Variants in LIMK2 observed in about 807,000 individuals in gnomAD.
LIMK2 encodes the protein LIM domain kinase 2.
LIMK2 carries 35 observed loss-of-function variants against 75.7 expected under a neutral mutation model. The observed-to-expected ratio is 0.46, with a 90% CI of 0.35 to 0.61. The LOEUF is 0.61. LIMK2 is among the 20% of genes least tolerant of loss of function. The pLI is 0.00. For synonymous variants in LIMK2, 301 were observed against 319.2 expected (o/e 0.94, Z 0.61); for missense variants, 623 against 831.0 (o/e 0.75, Z 3.08).
chr22:31,277,752 C>G, intron 15 of LIMK2: 3 of 157,864 alleles, frequency 1.9e-5, no homozygotes, highest in Non-Finnish European at 4.1e-5. Flanking sequence ...TCTACTGTAT[C>G]ATACAGTAGA....
At chr22:31,240,747 G>A (rs2048617615) in intron 2 of LIMK2, among the ~76,000 whole-genome samples, 1 of 152,066 alleles carries the variant, frequency 6.6e-6, no homozygotes, top group Non-Finnish European at 1.5e-5. Flanking sequence ...ATACCATAAC[G>A]TGAGCACCAC....
intron 1 of LIMK2, among the ~76,000 whole-genome samples, chr22:31,214,838 C>T (rs1376094661): frequency 6.6e-6 from 1 of 152,078 alleles, no homozygotes; most frequent in Non-Finnish European, 1.5e-5. Flanking sequence ...CTCTGTTGCC[C>T]ATGCTGGAGT....
intron 2 of LIMK2, chr22:31,248,596 A>AGCCT (rs752515462): frequency 1.9e-6 from 3 of 1,608,284 alleles, no homozygotes; most frequent in Non-Finnish European, 2.5e-6. Flanking sequence ...AGCTCAGGGC[A>AGCCT]GCCTGCCTGC....
chr22:31,229,983 C>T (rs184846265), intron 2 of LIMK2: 1 of 152,164 alleles, frequency 6.6e-6, no homozygotes, highest in East Asian at 1.9e-4. Flanking sequence ...GCTGACTAGT[C>T]CTCCCAAGCC....
chr22:31,265,537 C>CA (rs777523692), intron 7 of LIMK2, among the ~76,000 whole-genome samples: 6,757 of 137,442 alleles, frequency 0.049, 547 homozygotes, highest in East Asian at 0.38. Flanking sequence ...GACTCTGTCT[C>CA]AAAAAAAAAA....
intron 2 of LIMK2, among the ~76,000 whole-genome samples, chr22:31,228,001 G>T (rs1191714016): frequency 6.6e-6 from 1 of 150,600 alleles, no homozygotes; most frequent in Non-Finnish European, 1.5e-5. Flanking sequence ...TCAGATGCTA[G>T]CTTGTTAGCT....
intron 2 of LIMK2, among the ~76,000 whole-genome samples, chr22:31,243,465 A>G (rs2048640820): frequency 6.6e-6 from 1 of 152,130 alleles, no homozygotes; most frequent in Non-Finnish European, 1.5e-5. Context: ...TTCCGACAAA[A>G]GGTTGGGGTG....
In LIMK2 at chr22:31,262,688, G is replaced by T. The variant is rs1238326749; in HGVS notation, c.751G>T (p.Ala251Ser). ...ACGCCTGGACCAGCTGCGGCTGGAG[G>T]CCCGGCTCGCTCCTCACATGCAGAA... ...SQRLDQLRLEARLAPHMQNAG... is the reference protein window; with the variant it reads ...SQRLDQLRLESRLAPHMQNAG... The change falls in exon 7 of 16, where the codon GCC (alanine) becomes TCC (serine). Residue 251 changes from alanine (A) to serine (S), a missense_variant. By Grantham distance (99) the Ala-to-Ser change is moderately conservative (BLOSUM62 1). This residue lies in a region of LIMK2 where 514 missense variants were observed against 661.3 expected (regional missense o/e 0.78). Transcript: ENST00000331728. This position sits in a 1 kb window ranked among gnomAD's most constrained non-coding sequence, Gnocchi z 5.0. The T allele has an allele frequency of 5.6e-6, 9 of 1,614,074 alleles. No homozygotes were observed. Among genetic ancestry groups the T allele is most frequent in the Admixed American group, 1.7e-5 (1 of 60,000 alleles).
At chr22:31,233,939 G>A (rs2048549694) in intron 2 of LIMK2, among the ~76,000 whole-genome samples, 1 of 152,080 alleles carries the variant, frequency 6.6e-6, no homozygotes, top group Non-Finnish European at 1.5e-5. Context: ...GTCTGCAATA[G>A]CCTCATCTCC....
intron 15 of LIMK2, chr22:31,276,649 A>AAGGAGGGGCCCC: frequency 9.9e-7 from 1 of 1,009,674 alleles, no homozygotes; most frequent in East Asian, 8.7e-5. Context: ...GCGGCGGCAC[A>AAGGAGGGGCCCC]AGGAGGGGCC....
intron 2 of LIMK2, among the ~76,000 whole-genome samples, chr22:31,254,964 A>AG (rs1297840166): frequency 2.0e-5 from 3 of 152,006 alleles, no homozygotes; most frequent in African/African-American, 7.3e-5. Flanking sequence ...CATCTCAAAA[A>AG]AAAAAAGAAA....
Position 31,271,283 on chromosome 22 carries a change from C to T in LIMK2, c.1383+82C>T, listed in dbSNP as rs1014794553. The T allele has an allele frequency of 8.8e-6, 11 of 1,254,510 alleles. No individual in the cohort carries two copies. The Admixed American group carries it at 1.5e-4, about 17-fold the overall frequency. The allele number at this position is 1,254,510 out of a possible 1,614,324, so 77.7% of individuals were successfully genotyped here. ...GTCACAAAGGAGGCTGACTTGTCCC[C>T]TCTGGCTAGAGGGCAGAGGTGTTGC... On this transcript the variant is annotated intron_variant, in intron 12 of 15. Coordinates refer to ENST00000331728, the MANE Select transcript of LIMK2 (RefSeq NM_005569.4).
rs1244711364 is a variant in LIMK2, at chr22:31,262,825, A to G, written c.854+34A>G. On this transcript the variant is annotated intron_variant, in intron 7 of 15. Coordinates refer to ENST00000331728, the MANE Select transcript of LIMK2 (RefSeq NM_005569.4). The surrounding 1 kb of genome is among the most constrained non-coding windows in gnomAD (Gnocchi z 5.0). ...TCCCACCCTGGCTCTGTTCTGTCCTATGTCTGTCTCTCGGATGAAGCTGAG... is the reference window on the plus strand; with the variant it reads ...TCCCACCCTGGCTCTGTTCTGTCCTGTGTCTGTCTCTCGGATGAAGCTGAG... The G allele has an allele frequency of 6.7e-7, 1 of 1,492,012 alleles. No homozygotes were observed. The allele number at this position is 1,492,012 out of a possible 1,614,324, so 92.4% of individuals were successfully genotyped here.
chr22:31,248,290 G>A, intron 2 of LIMK2: 1 of 1,158,562 alleles, frequency 8.6e-7, no homozygotes, highest in Non-Finnish European at 1.1e-6. Context: ...ACACACCTCG[G>A]TTCTGCGGGA....
intron 2 of LIMK2, among the ~76,000 whole-genome samples, chr22:31,249,561 C>T (rs1205244728): frequency 2.0e-5 from 3 of 152,178 alleles, no homozygotes; most frequent in Non-Finnish European, 1.5e-5. Flanking sequence ...GTTTCTGGCC[C>T]TCTGGGTCCC....
At chr22:31,240,040 A>T (rs112774392) in intron 2 of LIMK2, among the ~76,000 whole-genome samples, 3 of 152,186 alleles carry the variant, frequency 2.0e-5, no homozygotes, top group African/African-American at 7.2e-5. Context: ...CAACTGTAGC[A>T]ACCTGCTGTG....
intron 1 of LIMK2, among the ~76,000 whole-genome samples, chr22:31,225,282 G>T (rs1168494454): frequency 6.6e-6 from 1 of 152,178 alleles, no homozygotes; most frequent in Non-Finnish European, 1.5e-5. Context: ...GGCTTTTGAG[G>T]AATAGGAAAA....
rs761801574 is a variant in LIMK2 at position 31,267,741 on chromosome 22, AACC to A, written c.1129-30_1129-28del. ...GAGGTAAGGAAGACAGTGAGAAGTT[AACC>A]ACCAGCTTTCCTTGGCTTCCCCCAC... is the stretch of plus-strand genomic sequence containing the variant. On this transcript the variant is annotated intron_variant, in intron 9 of 15. Coordinates refer to ENST00000331728, the MANE Select transcript of LIMK2 (RefSeq NM_005569.4). The A allele has an allele frequency of 1.0e-5, 16 of 1,566,988 alleles. No individual in the cohort carries two copies. In the Middle Eastern group the frequency reaches 7.2e-4, roughly 70 times the overall value.
chr22:31,217,284 G>A (rs899806124), intron 1 of LIMK2, among the ~76,000 whole-genome samples: 1 of 152,050 alleles, frequency 6.6e-6, no homozygotes, highest in Non-Finnish European at 1.5e-5. Flanking sequence ...TGTAATCCCA[G>A]CTACTCGGGA....
Sources: allele counts gnomAD v4.1 joint callset (sites outside exome capture counted in the v4.1 genomes callset), GRCh38; gene constraint gnomAD v4.1.1; regional missense constraint gnomAD v4.1.1; non-coding constraint Gnocchi (gnomAD v3.1); transcripts MANE v1.5; gene names NCBI Gene and HGNC (gene_info 2026-07-23, HGNC 2026-07-21).